PKN2: variants seen among roughly 807,000 people sequenced by gnomAD.
The protein encoded by PKN2 is serine/threonine-protein kinase N2.
In PKN2, 38 loss-of-function variants were observed where a neutral mutation model predicts 119.1. That is an observed-to-expected ratio of 0.32 (90% CI 0.25 to 0.42). The LOEUF is 0.42. PKN2 is among the 10% of genes least tolerant of loss of function. The probability of loss-of-function intolerance (pLI) is 1.00; values close to 1 mark genes in which losing one functional copy is unlikely to be tolerated. For missense variants in PKN2, 850 were observed against 1,165.1 expected, an observed-to-expected ratio of 0.73 and a Z score of 3.94; for synonymous variants, 390 against 384.9, an observed-to-expected ratio of 1.01 and a Z score of -0.15.
chr1:88,733,350 A>C (rs931107149), intron 1 of PKN2, among the ~76,000 whole-genome samples: 1 of 151,308 alleles, frequency 6.6e-6, no homozygotes, highest in Non-Finnish European at 1.5e-5. Context: ...AACACCTGCT[A>C]TCTTTTGATT....
intron 15 of PKN2, among the ~76,000 whole-genome samples, chr1:88,808,491 A>T (rs1390507754): frequency 1.3e-5 from 2 of 151,902 alleles, no homozygotes; most frequent in African/African-American, 4.8e-5. Flanking sequence ...TTTTTAGTAG[A>T]AATGGGGTTT....
chr1:88,801,766 C>G (rs112244163), intron 8 of PKN2, among the ~76,000 whole-genome samples: 17,101 of 152,244 alleles, frequency 0.11, 1,997 homozygotes, highest in African/African-American at 0.3. Context: ...CTGCAGAAAG[C>G]GTGCCCCTCG....
At chr1:88,768,108 G>A (rs1364601104) in intron 3 of PKN2, among the ~76,000 whole-genome samples, 2 of 152,164 alleles carry the variant, frequency 1.3e-5, no homozygotes, top group Admixed American at 1.3e-4. Context: ...CAATTTGTGT[G>A]TGTATGTATG....
In PKN2 at chr1:88,833,312, G is replaced by C; in HGVS notation, c.2819G>C (p.Arg940Pro). The C allele has an allele frequency of 2.5e-6, 4 of 1,613,406 alleles. No individual in the cohort carries two copies. The highest frequency in any genetic ancestry group is 3.4e-6 in the Non-Finnish European group (4 of 1,179,474). ...CCATTTATACCTACCATAAGAGGAC[G>C]AGAAGATGTTAGTAATTTTGATGAT... ...KPPFIPTIRG[R>P]EDVSNFDDEF... Residue 940 changes from arginine to proline, a missense_variant, in exon 22 of 22, where the codon CGA (arginine) becomes CCA (proline). By Grantham distance (103) the Arg-to-Pro change is moderately radical. Transcript: ENST00000370521.
At chr1:88,725,858 C>T (rs1439872913) in intron 1 of PKN2, among the ~76,000 whole-genome samples, 1 of 152,156 alleles carries the variant, frequency 6.6e-6, no homozygotes, top group African/African-American at 2.4e-5. Context: ...GGGGAAAACA[C>T]AGATTTTCTC....
chr1:88,820,179 CCTATATATATATATATAT>C (rs1459417240), intron 16 of PKN2, among the ~76,000 whole-genome samples: 6 of 65,474 alleles, frequency 9.2e-5, no homozygotes, highest in East Asian at 9.1e-4. Flanking sequence ...TTTTCAGAAA[CCTATATATATATATATAT>C]ATATATATAT....
intron 2 of PKN2, among the ~76,000 whole-genome samples, chr1:88,753,094 T>C (rs1001979918): frequency 6.6e-6 from 1 of 152,224 alleles, no homozygotes; most frequent in African/African-American, 2.4e-5. Flanking sequence ...TTTTTATCTC[T>C]CAGACAATTC....
intron 3 of PKN2, among the ~76,000 whole-genome samples, chr1:88,768,528 G>A (rs1165316919): frequency 2.0e-5 from 3 of 152,074 alleles, no homozygotes; most frequent in Admixed American, 6.6e-5. Flanking sequence ...TGATTACATT[G>A]GGCCTATCTG....
chr1:88,727,347 T>G (rs1187838901), intron 1 of PKN2, among the ~76,000 whole-genome samples: 2 of 152,114 alleles, frequency 1.3e-5, no homozygotes, highest in Non-Finnish European at 2.9e-5. Context: ...TTTGTTTTTG[T>G]TTTTTAAGAG....
intron 1 of PKN2, among the ~76,000 whole-genome samples, chr1:88,740,324 A>G (rs1262928267): frequency 6.6e-6 from 1 of 152,084 alleles, no homozygotes; most frequent in Non-Finnish European, 1.5e-5. Context: ...GCCAATATTC[A>G]TTTATTTTTA....
At chr1:88,750,818 G>A (rs1324126242) in intron 2 of PKN2, among the ~76,000 whole-genome samples, 1 of 152,022 alleles carries the variant, frequency 6.6e-6, no homozygotes, top group Non-Finnish European at 1.5e-5. Flanking sequence ...TTGTAAGTTT[G>A]TAAGTCGCCA....
intron 19 of PKN2, among the ~76,000 whole-genome samples, chr1:88,831,231 C>G (rs1045869050): frequency 2.6e-5 from 4 of 151,684 alleles, no homozygotes; most frequent in African/African-American, 9.7e-5. Flanking sequence ...GCCCTGTTTG[C>G]TTACAATCTA....
intron 8 of PKN2, among the ~76,000 whole-genome samples, chr1:88,795,591 A>G (rs1316739657): frequency 6.6e-6 from 1 of 152,202 alleles, no homozygotes; most frequent in Non-Finnish European, 1.5e-5. Flanking sequence ...CAATAATCTT[A>G]TGATATACAT....
rs539096695 is a variant in PKN2 at position 88,745,542 on chromosome 1, C to G, written c.349+4254C>G. Among the ~76,000 whole-genome samples the G allele has an allele frequency of 2.6e-5, 4 of 151,748 alleles. No individual in the cohort carries two copies. The South Asian group carries it at 8.3e-4, about 32-fold the overall frequency. On this transcript the variant is annotated intron_variant, in intron 2 of 21. Transcript: ENST00000370521. ...ATAAAACATACGTAGTAAATTTAACCAAGAATTGAAAGAGCTCTATATAGA... is the reference window on the plus strand; with the variant it reads ...ATAAAACATACGTAGTAAATTTAACGAAGAATTGAAAGAGCTCTATATAGA...
intron 1 of PKN2, among the ~76,000 whole-genome samples, chr1:88,689,340 C>T (rs544349094): frequency 1.3e-3 from 203 of 151,604 alleles, no homozygotes; most frequent in African/African-American, 4.8e-3. Flanking sequence ...TTTTCTTTAT[C>T]TCATTTTACT....
intron 12 of PKN2, chr1:88,806,365 T>C (rs1385231616): frequency 3.8e-6 from 1 of 266,086 alleles, no homozygotes; most frequent in East Asian, 1.0e-4. Context: ...AGATGGGATT[T>C]CATTATATTG....
At chr1:88,784,103 A>G (rs1670467625) in intron 6 of PKN2, among the ~76,000 whole-genome samples, 1 of 140,838 alleles carries the variant, frequency 7.1e-6, no homozygotes, top group Non-Finnish European at 1.5e-5. Context: ...TATGCCCTCT[A>G]TACAGACAAC....
chr1:88,735,232 C>T (rs760757013), intron 1 of PKN2, among the ~76,000 whole-genome samples: 1 of 152,094 alleles, frequency 6.6e-6, no homozygotes. Flanking sequence ...GATCATGGCT[C>T]ACTGCAGTCT....
chr1:88,747,822 T>A (rs943392967), intron 2 of PKN2, among the ~76,000 whole-genome samples: 1 of 152,090 alleles, frequency 6.6e-6, no homozygotes, highest in Non-Finnish European at 1.5e-5. Flanking sequence ...CCTAATAATA[T>A]TGGGATTTTG....
Sources: allele counts gnomAD v4.1 joint callset (sites outside exome capture counted in the v4.1 genomes callset), GRCh38; gene constraint gnomAD v4.1.1; transcripts MANE v1.5; gene names NCBI Gene and HGNC (gene_info 2026-07-23, HGNC 2026-07-21).